The following SEMA5A variants were observed in gnomAD, a reference collection of about 807,000 sequenced individuals.
The protein encoded by SEMA5A is semaphorin-5A.
SEMA5A carries 55 observed loss-of-function variants against 135.5 expected under a neutral mutation model. That is an observed-to-expected ratio of 0.41 (90% CI 0.33 to 0.51). The LOEUF is 0.51. SEMA5A is among the 20% of genes least tolerant of loss of function. The probability of loss-of-function intolerance (pLI) is 0.37; values close to 1 mark genes in which losing one functional copy is unlikely to be tolerated. For synonymous variants in SEMA5A, 580 were observed against 546.5 expected (o/e 1.06, Z -0.85); for missense variants, 1,290 against 1,419.9 (o/e 0.91, Z 1.47).
chr5:9,338,546 C>T (rs1753498602), intron 3 of SEMA5A, among the ~76,000 whole-genome samples: 2 of 152,160 alleles, frequency 1.3e-5, no homozygotes, highest in South Asian at 4.1e-4. Context: ...GCCATTTTTG[C>T]AACTTTCATT....
chr5:9,237,429 AAAT>A (rs1304575897), intron 6 of SEMA5A, among the ~76,000 whole-genome samples: 2 of 152,256 alleles, frequency 1.3e-5, no homozygotes, highest in African/African-American at 4.8e-5. Context: ...AATCTATCAC[AAAT>A]AATATTTTAT....
intron 1 of SEMA5A, among the ~76,000 whole-genome samples, chr5:9,530,192 C>T (rs1237950444): frequency 6.6e-6 from 1 of 152,128 alleles, no homozygotes; most frequent in Non-Finnish European, 1.5e-5. Flanking sequence ...GCAAAGCCAG[C>T]AACTGTTTGC....
At position 9,084,559 on chromosome 5, in the gene SEMA5A, C is replaced by T. The variant is rs182520700; in HGVS notation, c.2074-17913G>A. Reference sequence around the variant, plus strand: ...AAAACAGGAGTTTCCCTGCATGAGCCCTCTTCTCTTGTCTCCTGCCATGTG... The same window carrying T: ...AAAACAGGAGTTTCCCTGCATGAGCTCTCTTCTCTTGTCTCCTGCCATGTG... On this transcript the variant is annotated intron_variant, in intron 16 of 22. Transcript: ENST00000382496. Among the ~76,000 whole-genome samples the T allele has an allele frequency of 1.1e-3, 165 of 152,254 alleles. 3 individuals carry two copies. In the South Asian group the frequency reaches 0.023, roughly 21 times the overall value.
chr5:9,172,266 A>G (rs1329625524), intron 11 of SEMA5A, among the ~76,000 whole-genome samples: 3 of 152,200 alleles, frequency 2.0e-5, no homozygotes, highest in African/African-American at 7.2e-5. Flanking sequence ...TGTAATCAAT[A>G]TGATTTCTAA....
At chr5:9,311,148 G>GT (rs1273647585) in intron 5 of SEMA5A, among the ~76,000 whole-genome samples, 2 of 151,396 alleles carry the variant, frequency 1.3e-5, no homozygotes, top group Non-Finnish European at 2.9e-5. Context: ...TCGCTCAACG[G>GT]GGGGGTCCTG....
chr5:9,351,584 T>C (rs944421284), intron 3 of SEMA5A, among the ~76,000 whole-genome samples: 2 of 152,166 alleles, frequency 1.3e-5, no homozygotes, highest in Non-Finnish European at 2.9e-5. Context: ...AGACATTCCA[T>C]TCCATTTTTC....
chr5:9,307,895 T>A (rs966310189), intron 5 of SEMA5A, among the ~76,000 whole-genome samples: 2 of 138,296 alleles, frequency 1.4e-5, no homozygotes, highest in African/African-American at 5.0e-5. Flanking sequence ...ATGATATACA[T>A]GACTAACAAA....
At chr5:9,421,361 T>A (rs1757461271) in intron 2 of SEMA5A, among the ~76,000 whole-genome samples, 1 of 152,228 alleles carries the variant, frequency 6.6e-6, no homozygotes, top group African/African-American at 2.4e-5. Flanking sequence ...AATCTATACT[T>A]GATTGGTACA....
At chr5:9,422,001 C>T (rs1297683719) in intron 2 of SEMA5A, among the ~76,000 whole-genome samples, 6 of 152,196 alleles carry the variant, frequency 3.9e-5, no homozygotes, top group Middle Eastern at 3.4e-3. Context: ...TTTAGTTTAA[C>T]GATAACCAAA....
intron 2 of SEMA5A, among the ~76,000 whole-genome samples, chr5:9,432,150 G>A (rs1757879413): frequency 6.6e-6 from 1 of 152,170 alleles, no homozygotes; most frequent in Non-Finnish European, 1.5e-5. Context: ...GGAGTGAAAT[G>A]CTTGTGACAA....
At chr5:9,249,933 T>C (rs1748686833) in intron 5 of SEMA5A, among the ~76,000 whole-genome samples, 1 of 152,188 alleles carries the variant, frequency 6.6e-6, no homozygotes, top group South Asian at 2.1e-4. Flanking sequence ...GGTCTCTGGC[T>C]ACACGCTGAT....
chr5:9,305,404 G>A (rs901324220), intron 5 of SEMA5A, among the ~76,000 whole-genome samples: 1 of 151,750 alleles, frequency 6.6e-6, no homozygotes, highest in Non-Finnish European at 1.5e-5. Flanking sequence ...TTGTCTCTCT[G>A]TCTTCCAAGT....
chr5:9,123,875 A>G lies in SEMA5A; in HGVS notation c.1600-1038T>C, dbSNP rs576068052. The stretch of plus-strand genomic sequence containing the variant: ...CTATTACTCCATGTAGAATCCGACG[A>G]TGGATTCACGAACAGGGGCTATCGG... On this transcript the variant is annotated intron_variant, in intron 13 of 22. Coordinates refer to ENST00000382496, the MANE Select transcript of SEMA5A (RefSeq NM_003966.3). 9.2e-5 allele frequency among the ~76,000 whole-genome samples: 14 copies of G among 152,276 alleles called. No homozygotes were observed. The Middle Eastern group carries it at 0.01, about 111-fold the overall frequency.
intron 5 of SEMA5A, among the ~76,000 whole-genome samples, chr5:9,299,222 A>G (rs1751490641): frequency 6.6e-6 from 1 of 152,180 alleles, no homozygotes; most frequent in South Asian, 2.1e-4. Flanking sequence ...TCCTGTTGGA[A>G]TGGGGAATCT....
At chr5:9,450,849 A>C (rs907653) in intron 1 of SEMA5A, among the ~76,000 whole-genome samples, 23,851 of 152,146 alleles carry the variant, frequency 0.16, 2,668 homozygotes, top group African/African-American at 0.32. Flanking sequence ...TGACTTCAAA[A>C]TGTGTGTTTT....
intron 1 of SEMA5A, among the ~76,000 whole-genome samples, chr5:9,532,845 T>C (rs1024286371): frequency 2.6e-5 from 4 of 152,152 alleles, no homozygotes; most frequent in African/African-American, 9.7e-5. Context: ...GGGAAAAATC[T>C]CAGCTGTTCT....
chr5:9,110,142 CA>C (rs1426674401), intron 15 of SEMA5A, among the ~76,000 whole-genome samples: 1 of 152,102 alleles, frequency 6.6e-6, no homozygotes, highest in Non-Finnish European at 1.5e-5. Flanking sequence ...AAGAACAAAA[CA>C]TAAAAAGGCA....
intron 5 of SEMA5A, among the ~76,000 whole-genome samples, chr5:9,244,428 C>T (rs1411091726): frequency 2.0e-5 from 3 of 152,114 alleles, no homozygotes; most frequent in African/African-American, 7.2e-5. Flanking sequence ...ACTTACTGGC[C>T]CCACTACCTG....
At chr5:9,353,545 T>C (rs574801755) in intron 3 of SEMA5A, among the ~76,000 whole-genome samples, 17 of 152,298 alleles carry the variant, frequency 1.1e-4, no homozygotes, top group African/African-American at 3.8e-4. Flanking sequence ...TCAATGTGGA[T>C]TAGCTTAGAA....
Sources: gnomAD v4.1 joint callset for allele counts (sites outside exome capture counted in the v4.1 genomes callset) on GRCh38, gnomAD v4.1.1 for gene constraint, MANE v1.5 for transcripts, NCBI Gene and HGNC (gene_info 2026-07-23, HGNC 2026-07-21) for gene names.